GAL3ST1: variants seen among roughly 807,000 people sequenced by gnomAD.
The protein encoded by GAL3ST1 is galactose-3-O-sulfotransferase 1, also known as galactosylceramide sulfotransferase.
Under a neutral mutation model 25.0 loss-of-function variants are expected in GAL3ST1, and 13 were observed. The ratio of observed to expected loss-of-function variants is 0.52; its 90% CI spans 0.34 to 0.83. The LOEUF (loss-of-function observed/expected upper bound fraction) is 0.83. Ranked by LOEUF, GAL3ST1 falls within the 40% of genes least tolerant of loss-of-function variation. The pLI, the probability that GAL3ST1 is intolerant of heterozygous loss-of-function variation, is 0.02. For synonymous variants in GAL3ST1, 274 were observed against 277.8 expected, an observed-to-expected ratio of 0.99 and a Z score of 0.14; for missense variants, 474 against 613.6, an observed-to-expected ratio of 0.77 and a Z score of 2.40.
In GAL3ST1 at chr22:30,562,821, G is replaced by GT. The variant is rs1569004549; in HGVS notation, c.-119-4434_-119-4433insA. Among the ~76,000 whole-genome samples, 21 of 152,326 alleles carry GT rather than the reference G, an allele frequency of 1.4e-4. No homozygotes were observed. In the South Asian group the frequency reaches 4.4e-3, roughly 32 times the overall value. ...TACAGACGAAAGTAATACATGTGAG[G>GT]CACATGCATGTAAAAGCTCCCATGG... On this transcript the variant is annotated intron_variant, in intron 1 of 3. Transcript: ENST00000406361.
intron 1 of GAL3ST1, among the ~76,000 whole-genome samples, chr22:30,559,484 C>A (rs1233141437): frequency 6.6e-6 from 1 of 152,116 alleles, no homozygotes; most frequent in Non-Finnish European, 1.5e-5. Flanking sequence ...TGTGATCTGC[C>A]CACCTTGGCC....
chr22:30,566,207 C>G (rs890730270), intron 1 of GAL3ST1: 3 of 152,266 alleles, frequency 2.0e-5, no homozygotes, highest in African/African-American at 4.8e-5. Flanking sequence ...TTTTATCCAG[C>G]CTAACATCCC....
At chr22:30,574,018 T>C (rs2086842403) in intron 1 of GAL3ST1, among the ~76,000 whole-genome samples, 2 of 152,130 alleles carry the variant, frequency 1.3e-5, no homozygotes, top group South Asian at 4.1e-4. Context: ...TCCCTTACTA[T>C]GGTCTCCGGT....
chr22:30,557,231 C>T (rs1280908418), intron 3 of GAL3ST1, 31 bp downstream of exon 3: 2 of 1,612,014 alleles, frequency 1.2e-6, no homozygotes. Context: ...CCCCCACCTA[C>T]ACCCATCATC....
intron 1 of GAL3ST1, among the ~76,000 whole-genome samples, chr22:30,561,778 C>A (rs1569003155): frequency 6.6e-6 from 1 of 152,124 alleles, no homozygotes; most frequent in Non-Finnish European, 1.5e-5. Context: ...GCAGAGGGGG[C>A]CCTGGTGTCC....
At chr22:30,570,073 GA>G (rs1002229472) in intron 1 of GAL3ST1, among the ~76,000 whole-genome samples, 2 of 152,266 alleles carry the variant, frequency 1.3e-5, no homozygotes, top group African/African-American at 4.8e-5. Context: ...AACAGTGTGA[GA>G]CCCCATCTTA....
chr22:30,571,630 G>A (rs890603658), intron 1 of GAL3ST1, among the ~76,000 whole-genome samples: 1 of 152,166 alleles, frequency 6.6e-6, no homozygotes, highest in Non-Finnish European at 1.5e-5. Flanking sequence ...TTGGGAGGCC[G>A]AGGCGGGCAG....
intron 1 of GAL3ST1, among the ~76,000 whole-genome samples, chr22:30,564,185 G>A (rs572036342): frequency 6.6e-6 from 1 of 152,200 alleles, no homozygotes; most frequent in Non-Finnish European, 1.5e-5. Context: ...CCAGCCCGAG[G>A]CTGGTGCAGA....
intron 1 of GAL3ST1, among the ~76,000 whole-genome samples, chr22:30,567,831 C>T (rs906203063): frequency 6.6e-6 from 1 of 152,008 alleles, no homozygotes; most frequent in Admixed American, 6.6e-5. Flanking sequence ...TTACGGGCAC[C>T]CGCCACCACA....
chr22:30,556,555 G>T (rs2086040317), intron 3 of GAL3ST1, among the ~76,000 whole-genome samples: 1 of 152,172 alleles, frequency 6.6e-6, no homozygotes, highest in South Asian at 2.1e-4. Flanking sequence ...AAACGGGAGA[G>T]CCTGGTTCTC....
chr22:30,566,771 G>A (rs1462299724), intron 1 of GAL3ST1, among the ~76,000 whole-genome samples: 1 of 151,284 alleles, frequency 6.6e-6, no homozygotes. Context: ...CACCATGCTC[G>A]GCTAATTTTT....
chr22:30,559,854 T>C (rs1001852458), intron 1 of GAL3ST1, among the ~76,000 whole-genome samples: 1 of 152,216 alleles, frequency 6.6e-6, no homozygotes, highest in Non-Finnish European at 1.5e-5. Context: ...CCCCAAACTT[T>C]CTACTCTTGT....
At chr22:30,571,563 T>C (rs1186862117) in intron 1 of GAL3ST1, among the ~76,000 whole-genome samples, 1 of 152,184 alleles carries the variant, frequency 6.6e-6, no homozygotes, top group African/African-American at 2.4e-5. Context: ...CTCTCTCTGC[T>C]GTTTCAAAGG....
intron 1 of GAL3ST1, chr22:30,560,336 C>T (rs1178812823): frequency 6.6e-6 from 1 of 152,100 alleles, no homozygotes. Context: ...TCAGACAAGC[C>T]AAGAACCCTC....
rs542690458 is a variant in GAL3ST1 at position 30,555,991 on chromosome 22, G to A, written c.234C>T (p.Ile78=). The A allele has an allele frequency of 2.5e-6, 4 of 1,613,164 alleles. No individual in the cohort carries two copies. The highest frequency in any genetic ancestry group is 1.3e-5 in the African/African-American group (1 of 75,042). Reference sequence around the variant, plus strand: ...CCGTCTTGTGCGTCTTCAAGAACACGATGTTGCGCCGCGGCTGGCACTCCC... The same window carrying A: ...CCGTCTTGTGCGTCTTCAAGAACACAATGTTGCGCCGCGGCTGGCACTCCC... ...SAGECQPRRN[I]VFLKTHKTAS... Residue 78 remains isoleucine, a synonymous_variant, in exon 4 of 4, where the codon ATC becomes ATT. Transcript: ENST00000406361. This position sits in a 1 kb window ranked among gnomAD's most constrained non-coding sequence, Gnocchi z 8.6.
At chr22:30,566,987 C>T in intron 1 of GAL3ST1, among the ~76,000 whole-genome samples, 1 of 152,024 alleles carries the variant, frequency 6.6e-6, no homozygotes. Context: ...GACAGGGTCT[C>T]ACTCTGTTGC....
Position 30,555,405 on chromosome 22 carries a change from G to A in GAL3ST1, c.820C>T (p.Leu274Phe). Residue 274 changes from leucine to phenylalanine, a missense_variant, in exon 4 of 4, where the codon CTC becomes TTC. By Grantham distance (22) the Leu-to-Phe change is conservative. Around this residue, in one of 2 missense-constraint regions of GAL3ST1, gnomAD observed 359 missense variants for 504.4 expected, o/e 0.71. Transcript: ENST00000406361. The surrounding 1 kb of genome is among the most constrained non-coding windows in gnomAD (Gnocchi z 8.6). ...CGGCGGGCGTTGAGCTTGAAGTAGA[G>A]CACGTCCTCCAGCTCCCAGCACAGC... The part of the protein sequence containing the change: ...DLLCWELEDV[L>F]YFKLNARRDS... 6.2e-7 allele frequency: 1 copy of A among 1,610,026 alleles called. No individual in the cohort carries two copies. The highest frequency in any genetic ancestry group is 8.5e-7 in the Non-Finnish European group (1 of 1,179,822).
At position 30,554,999 on chromosome 22, in the gene GAL3ST1, C is replaced by G. The variant is rs749005721; in HGVS notation, c.1226G>C (p.Trp409Ser). Residue 409 changes from tryptophan to serine, a missense_variant, in exon 4 of 4, where the codon TGG (tryptophan) becomes TCG (serine). By Grantham distance (177) the Trp-to-Ser change is radical. This residue lies in a region of GAL3ST1 where 359 missense variants were observed against 504.4 expected (regional missense o/e 0.71). Transcript: ENST00000406361. ...QYLMDLGANLWVTKLWKFIRD... is the reference protein window; with the variant it reads ...QYLMDLGANLSVTKLWKFIRD... ...AATGAACTTCCAGAGCTTGGTGACC[C>G]ACAGGTTGGCGCCGAGGTCCATCAG... The G allele has an allele frequency of 8.2e-6, 13 of 1,593,658 alleles. No homozygotes were observed. In the South Asian group the frequency reaches 1.4e-4, roughly 18 times the overall value.
intron 1 of GAL3ST1, among the ~76,000 whole-genome samples, chr22:30,569,572 G>A (rs1218867097): frequency 6.6e-6 from 1 of 151,572 alleles, no homozygotes; most frequent in Non-Finnish European, 1.5e-5. Flanking sequence ...CTGAAGAGCA[G>A]TAGGAGCAAA....
Sources: allele counts gnomAD v4.1 joint callset (sites outside exome capture counted in the v4.1 genomes callset), GRCh38; gene constraint gnomAD v4.1.1; regional missense constraint gnomAD v4.1.1; non-coding constraint Gnocchi (gnomAD v3.1); transcripts MANE v1.5; gene names NCBI Gene and HGNC (gene_info 2026-07-23, HGNC 2026-07-21).